The following ATF7 variants were observed in gnomAD, a reference collection of about 807,000 sequenced individuals.
ATF7 encodes cyclic AMP-dependent transcription factor ATF-7.
Under a neutral mutation model 50.4 loss-of-function variants are expected in ATF7, and 10 were observed. That is an observed-to-expected ratio of 0.20 (90% CI 0.12 to 0.34). ATF7 has a LOEUF of 0.34. ATF7 is among the 10% of genes least tolerant of loss of function. ATF7 has a pLI of 1.00. For synonymous variants in ATF7, 201 were observed against 226.4 expected (o/e 0.89, Z 1.01); for missense variants, 465 against 613.9 (o/e 0.76, Z 2.56).
chr12:53,533,133 G>A (rs1319887776), intron 7 of ATF7, 27 bp downstream of exon 7: 1 of 1,563,120 alleles, frequency 6.4e-7, no homozygotes, highest in Admixed American at 1.7e-5. Flanking sequence ...TGTTGGTAGG[G>A]TTGGCTGCCC....
intron 1 of ATF7, among the ~76,000 whole-genome samples, chr12:53,618,458 TTAAAATGCCAAAAGAGGAAGG>T (rs1944234399): frequency 6.6e-6 from 1 of 152,186 alleles, no homozygotes; most frequent in African/African-American, 2.4e-5. Flanking sequence ...AAAGTAAAAA[TTAAAATGCCAAAAGAGGAAGG>T]TACTTAAAAA....
intron 2 of ATF7, among the ~76,000 whole-genome samples, chr12:53,578,720 G>A (rs1743309189): frequency 6.6e-6 from 1 of 151,258 alleles, no homozygotes; most frequent in South Asian, 2.1e-4. Context: ...GGATGTTGAG[G>A]CTGTAGTGAG....
At chr12:53,537,779 C>G (rs1313932301) in intron 4 of ATF7, among the ~76,000 whole-genome samples, 1 of 151,948 alleles carries the variant, frequency 6.6e-6, no homozygotes, top group Non-Finnish European at 1.5e-5. Flanking sequence ...ATGGTGTGAT[C>G]TCGTCTCACT....
intron 1 of ATF7, among the ~76,000 whole-genome samples, chr12:53,616,606 T>C (rs775908718): frequency 6.6e-6 from 1 of 152,132 alleles, no homozygotes; most frequent in Non-Finnish European, 1.5e-5. Flanking sequence ...ACATTCTGGT[T>C]TCAAATGTAT....
intron 1 of ATF7, among the ~76,000 whole-genome samples, chr12:53,610,198 T>C (rs548335560): frequency 2.6e-5 from 4 of 152,100 alleles, no homozygotes; most frequent in African/African-American, 9.6e-5. Flanking sequence ...TTACAAAATA[T>C]ATATAGACAA....
At chr12:53,507,990 C>G (rs536554165), downstream of ATF7, 1 of 153,582 alleles carries the variant, frequency 6.5e-6, no homozygotes, top group African/African-American at 2.4e-5. Flanking sequence ...ACAGCCCATC[C>G]TCTGCTTGTG....
intron 6 of ATF7, among the ~76,000 whole-genome samples, chr12:53,533,704 T>G (rs1383372003): frequency 6.6e-6 from 1 of 152,162 alleles, no homozygotes; most frequent in Non-Finnish European, 1.5e-5. Context: ...TTTTTCCTAG[T>G]GGGTCCAGAG....
At chr12:53,532,131 G>A (rs752212146) in intron 8 of ATF7, among the ~76,000 whole-genome samples, 3 of 152,152 alleles carry the variant, frequency 2.0e-5, no homozygotes, top group Non-Finnish European at 2.9e-5. Flanking sequence ...GCTGGGGGTT[G>A]TTAAAGCAAT....
At chr12:53,569,329 A>G (rs1941621896) in intron 2 of ATF7, among the ~76,000 whole-genome samples, 1 of 152,246 alleles carries the variant, frequency 6.6e-6, no homozygotes, top group Non-Finnish European at 1.5e-5. Flanking sequence ...TCTCCATCAC[A>G]GTACTAAACT....
chr12:53,605,149 G>A (rs1277401987), intron 1 of ATF7, among the ~76,000 whole-genome samples: 33 of 152,178 alleles, frequency 2.2e-4, no homozygotes, highest in Non-Finnish European at 7.3e-5. Context: ...AGCACTTTGG[G>A]AGGCGGAGGC....
intron 5 of ATF7, among the ~76,000 whole-genome samples, chr12:53,535,285 G>A (rs1346380394): frequency 1.4e-5 from 2 of 143,990 alleles, no homozygotes; most frequent in East Asian, 2.1e-4. Flanking sequence ...AGCTGAGATC[G>A]CACCACTGCA....
chr12:53,539,152 C>A (rs540713547), intron 4 of ATF7, among the ~76,000 whole-genome samples: 124 of 152,308 alleles, frequency 8.1e-4, no homozygotes, highest in Non-Finnish European at 1.3e-3. Flanking sequence ...CCAAGGAATG[C>A]CCAGTGAGGA....
Position 53,533,877 on chromosome 12 carries a change from G to A in ATF7, c.561-618C>T, listed in dbSNP as rs118027058. 8.1e-4 allele frequency among the ~76,000 whole-genome samples: 123 copies of A among 152,348 alleles called. 2 individuals carry two copies. The East Asian group carries it at 0.023, about 28-fold the overall frequency. On this transcript the variant is annotated intron_variant, in intron 6 of 11. Coordinates refer to ENST00000420353, the MANE Select transcript of ATF7 (RefSeq NM_006856.3). ...ATGGGTTTCAGTGTTTCATTCAGTAGTACCCCAATAGACTTCTACAGGGTG... is the reference window on the plus strand; with the variant it reads ...ATGGGTTTCAGTGTTTCATTCAGTAATACCCCAATAGACTTCTACAGGGTG...
chr12:53,603,632 T>C (rs971098415), intron 1 of ATF7, among the ~76,000 whole-genome samples: 16 of 152,066 alleles, frequency 1.1e-4, no homozygotes, highest in African/African-American at 3.9e-4. Flanking sequence ...CCTCTTGTCG[T>C]TTCCATTATT....
chr12:53,603,864 A>C (rs1234236831), intron 1 of ATF7, among the ~76,000 whole-genome samples: 2 of 152,164 alleles, frequency 1.3e-5, no homozygotes, highest in Non-Finnish European at 2.9e-5. Flanking sequence ...ATTATCAGTG[A>C]GGTCTCACTG....
chr12:53,543,274 A>G, intron 4 of ATF7, 56 bp downstream of exon 4: 1 of 1,552,520 alleles, frequency 6.4e-7, no homozygotes, highest in Non-Finnish European at 8.7e-7. Context: ...AAAGCACAAT[A>G]AAAATAGCCT....
At chr12:53,508,761 C>G (rs1944072960), downstream of ATF7, among the ~76,000 whole-genome samples, 1 of 152,074 alleles carries the variant, frequency 6.6e-6, no homozygotes, top group Non-Finnish European at 1.5e-5. Flanking sequence ...TCATTGCCAG[C>G]TCCGGCCATT....
At chr12:53,542,871 A>G in intron 4 of ATF7, 2 of 982,632 alleles carry the variant, frequency 2.0e-6, no homozygotes, top group East Asian at 1.1e-4. Flanking sequence ...AAAACCACAT[A>G]TATTGAAACA....
intron 2 of ATF7, among the ~76,000 whole-genome samples, chr12:53,591,197 C>G (rs968838683): frequency 1.3e-5 from 2 of 152,066 alleles, no homozygotes. Flanking sequence ...AAAATAAAGT[C>G]TATTAATTTT....
Sources: gnomAD v4.1 joint callset for allele counts (sites outside exome capture counted in the v4.1 genomes callset) on GRCh38, gnomAD v4.1.1 for gene constraint, MANE v1.5 for transcripts, NCBI Gene and HGNC (gene_info 2026-07-23, HGNC 2026-07-21) for gene names.